The following LIPI variants were observed in gnomAD, a reference collection of about 807,000 sequenced individuals.
The protein encoded by LIPI is lipase I.
In LIPI, 59 loss-of-function variants were observed where a neutral mutation model predicts 50.6. The observed-to-expected ratio is 1.16, with a 90% confidence interval of 0.94 to 1.45. The LOEUF is 1.45. Among genes scored for constraint, LIPI ranks in the 40% most tolerant of loss-of-function variants. The pLI, the probability that LIPI is intolerant of heterozygous loss-of-function variation, is 0.00. For missense variants in LIPI, 586 were observed against 536.3 expected (o/e 1.09, Z -0.92); for synonymous variants, 203 against 178.2 (o/e 1.14, Z -1.11).
At position 14,164,297 on chromosome 21, in the gene LIPI, TC is replaced by T. The variant is rs142250811; in HGVS notation, c.902-775del. Among the ~76,000 whole-genome samples, 561 of 152,174 alleles carry T rather than the reference TC, an allele frequency of 3.7e-3. 7 individuals carry two copies. Among genetic ancestry groups the T allele is most frequent in the African/African-American group, 0.013 (540 of 41,526 alleles). ...TATATTCACTCTGGGTTACAATTTC[TC>T]ATTACATGGAAGAAGGATGGGGCCA... On this transcript the variant is annotated intron_variant, in intron 6 of 9. Transcript: ENST00000681601.
chr21:14,169,347 T>C (rs2018809223), intron 4 of LIPI, among the ~76,000 whole-genome samples: 2 of 152,014 alleles, frequency 1.3e-5, no homozygotes, highest in Non-Finnish European at 2.9e-5. Flanking sequence ...TGAACTCAGC[T>C]CTGCACCAAG....
intron 7 of LIPI, among the ~76,000 whole-genome samples, chr21:14,157,726 A>T (rs1034209665): frequency 5.3e-5 from 8 of 151,914 alleles, no homozygotes; most frequent in Non-Finnish European, 1.2e-4. Flanking sequence ...CAACATGCGA[A>T]GCCATGAACC....
chr21:14,125,157 C>A lies in LIPI; in HGVS notation c.1296-16077G>T, dbSNP rs570413663. ...TCCTTCAATCTGAAGTTAAATTATA[C>A]CAGATGAAAATACACACATGCATAA... is the stretch of plus-strand genomic sequence containing the variant. On this transcript the variant is annotated intron_variant, in intron 9 of 9. Coordinates refer to ENST00000681601, the MANE Select transcript of LIPI (RefSeq NM_001302998.2). Among the ~76,000 whole-genome samples, 12 of 151,588 alleles carry A rather than the reference C, an allele frequency of 7.9e-5. No individual in the cohort carries two copies. In the East Asian group the frequency reaches 1.2e-3, roughly 15 times the overall value.
chr21:14,170,256 T>G (rs147958083), intron 4 of LIPI, among the ~76,000 whole-genome samples: 1 of 152,130 alleles, frequency 6.6e-6, no homozygotes, highest in Non-Finnish European at 1.5e-5. Flanking sequence ...CAGGACCAGA[T>G]GGATTCACAG....
intron 9 of LIPI, among the ~76,000 whole-genome samples, chr21:14,112,494 T>A (rs774398520): frequency 6.6e-6 from 1 of 152,118 alleles, no homozygotes; most frequent in Admixed American, 6.5e-5. Flanking sequence ...CATTTATTTG[T>A]GTCTTCTTCA....
intron 4 of LIPI, among the ~76,000 whole-genome samples, chr21:14,178,292 T>C (rs959292267): frequency 2.0e-5 from 3 of 152,184 alleles, no homozygotes; most frequent in Non-Finnish European, 4.4e-5. Flanking sequence ...TTGTTCCATT[T>C]TTCTGCCTTT....
intron 4 of LIPI, among the ~76,000 whole-genome samples, chr21:14,179,983 G>T (rs2019217192): frequency 6.6e-6 from 1 of 152,102 alleles, no homozygotes; most frequent in Non-Finnish European, 1.5e-5. Flanking sequence ...AAGCAGGAAA[G>T]ATATCGCTAA....
At chr21:14,192,225 G>C (rs1162308760) in intron 1 of LIPI, among the ~76,000 whole-genome samples, 2 of 152,182 alleles carry the variant, frequency 1.3e-5, no homozygotes, top group Non-Finnish European at 2.9e-5. Flanking sequence ...ACCACTTTGG[G>C]AGGCCGAGCT....
intron 7 of LIPI, among the ~76,000 whole-genome samples, chr21:14,156,744 A>C (rs527379120): frequency 6.6e-6 from 1 of 151,944 alleles, no homozygotes; most frequent in African/African-American, 2.4e-5. Context: ...ATTTTTAGGA[A>C]CATAATAGGA....
At chr21:14,197,943 A>C (rs2019918835) in intron 1 of LIPI, among the ~76,000 whole-genome samples, 1 of 152,212 alleles carries the variant, frequency 6.6e-6, no homozygotes. Context: ...CCTACAAGCC[A>C]GAACAGATTG....
intron 4 of LIPI, 126 bp from the exon 5 acceptor site, chr21:14,166,577 T>A (rs2018693535): frequency 7.5e-6 from 5 of 669,132 alleles, no homozygotes; most frequent in Non-Finnish European, 1.3e-5. Flanking sequence ...AAATAAGTGC[T>A]GTTTTTATAA....
chr21:14,170,062 A>G (rs1030040957), intron 4 of LIPI, among the ~76,000 whole-genome samples: 5 of 152,348 alleles, frequency 3.3e-5, no homozygotes, highest in South Asian at 4.1e-4. Flanking sequence ...AATACAAACT[A>G]CCATCAGAGA....
intron 4 of LIPI, among the ~76,000 whole-genome samples, chr21:14,174,470 C>T (rs942757974): frequency 1.3e-5 from 2 of 152,146 alleles, no homozygotes; most frequent in Admixed American, 1.3e-4. Flanking sequence ...TGTGCCCTTA[C>T]CCAGCCACAA....
intron 7 of LIPI, among the ~76,000 whole-genome samples, chr21:14,156,752 G>A (rs1030583339): frequency 2.6e-5 from 4 of 151,860 alleles, no homozygotes; most frequent in Non-Finnish European, 4.4e-5. Context: ...GAACATAATA[G>A]GAAAGCCTAG....
intron 1 of LIPI, among the ~76,000 whole-genome samples, chr21:14,192,413 G>A (rs756836681): frequency 6.6e-6 from 1 of 152,040 alleles, no homozygotes; most frequent in Non-Finnish European, 1.5e-5. Context: ...TGCAGTGACC[G>A]AGTTCACACC....
chr21:14,161,881 A>C (rs111225946), intron 7 of LIPI, among the ~76,000 whole-genome samples: 28 of 119,500 alleles, frequency 2.3e-4, no homozygotes, highest in African/African-American at 8.0e-4. Flanking sequence ...TATAACATAT[A>C]TTATATTAAT....
chr21:14,148,607 T>C (rs891494069), intron 8 of LIPI, among the ~76,000 whole-genome samples: 1 of 152,184 alleles, frequency 6.6e-6, no homozygotes, highest in Non-Finnish European at 1.5e-5. Context: ...CTGTACAGGT[T>C]TGTAACTTAT....
At chr21:14,137,363 C>T (rs1299042106) in intron 9 of LIPI, among the ~76,000 whole-genome samples, 1 of 151,986 alleles carries the variant, frequency 6.6e-6, no homozygotes, top group Non-Finnish European at 1.5e-5. Context: ...ATTCAGAATT[C>T]TATCAGATAA....
At chr21:14,113,797 G>T (rs2016510349) in intron 9 of LIPI, among the ~76,000 whole-genome samples, 1 of 152,222 alleles carries the variant, frequency 6.6e-6, no homozygotes, top group Non-Finnish European at 1.5e-5. Flanking sequence ...TGGCTTGGAA[G>T]GCCTCAGGAA....
Sources: gnomAD v4.1 joint callset for allele counts (sites outside exome capture counted in the v4.1 genomes callset) on GRCh38, gnomAD v4.1.1 for gene constraint, MANE v1.5 for transcripts, NCBI Gene and HGNC (gene_info 2026-07-23, HGNC 2026-07-21) for gene names.